TMEM184A: variants seen among roughly 807,000 people sequenced by gnomAD.
The protein encoded by TMEM184A is transmembrane protein 184A.
Under a neutral mutation model 39.5 loss-of-function variants are expected in TMEM184A, and 40 were observed. The observed-to-expected ratio is 1.01, with a 90% CI of 0.79 to 1.32. The LOEUF (loss-of-function observed/expected upper bound fraction) is 1.32. Ranked by LOEUF, TMEM184A falls within the 40% of genes most tolerant of loss-of-function variation. The pLI is 0.00. For missense variants in TMEM184A, 603 were observed against 568.8 expected, an observed-to-expected ratio of 1.06 and a Z score of -0.61; for synonymous variants, 280 against 252.3, an observed-to-expected ratio of 1.11 and a Z score of -1.04.
chr7:1,544,809 C>T lies in TMEM184A; in HGVS notation c.*2143G>A, dbSNP rs1302717653. The T allele has an allele frequency of 6.6e-6, 1 of 152,286 alleles. No individual in the cohort carries two copies. The highest frequency in any genetic ancestry group is 1.5e-5 in the Non-Finnish European group (1 of 68,080). The allele number at this position is 152,286 out of a possible 1,614,324, so 9.4% of individuals were successfully genotyped here. On this transcript the variant is annotated 3_prime_UTR_variant, in exon 9 of 9. Transcript: ENST00000297477. ...TGACCTCAGGCAACTTGCTCCGTCT[C>T]TCTGGGCTCGGTCGCTGTCCCAGCT... is the stretch of plus-strand genomic sequence containing the variant.
rs557099509 is a variant in TMEM184A, at chr7:1,544,964, C to A, written c.*1988G>T. The A allele has an allele frequency of 3.9e-5, 6 of 152,378 alleles. No homozygotes were observed. The highest frequency in any genetic ancestry group is 1.4e-4 in the African/African-American group (6 of 41,580). 9.4% of individuals were successfully genotyped at this position (152,378 alleles called of 1,614,324 possible). A position where few individuals can be genotyped will look rare whatever the true frequency, so the allele number is the denominator to read the frequency against. ...GGTGTTGCTGACATAGGGGCTCAGC[C>A]CCTGACACCTCAGCCTCTGCCGCCC... On this transcript the variant is annotated 3_prime_UTR_variant, in exon 9 of 9. Transcript: ENST00000297477.
intron 2 of TMEM184A, among the ~76,000 whole-genome samples, chr7:1,554,888 C>T (rs1202565934): frequency 1.3e-5 from 2 of 152,212 alleles, no homozygotes; most frequent in African/African-American, 2.4e-5. Flanking sequence ...CAGGGTGTCA[C>T]GCCTCTGGAA....
chr7:1,551,852 G>T (rs950218704), intron 2 of TMEM184A, among the ~76,000 whole-genome samples: 26 of 152,144 alleles, frequency 1.7e-4, no homozygotes, highest in African/African-American at 5.8e-4. Context: ...CAGGAGAATC[G>T]CTTGAGCCTG....
rs779838544 is a variant in TMEM184A, at chr7:1,555,386, C to T, written c.99G>A (p.Pro33=). Reference sequence around the variant, plus strand: ...AGCTGTTCCCCATGTGGTCCATCTGCGGCCCAGCTGGCACAGCCGGTGGGG... The same window carrying T: ...AGCTGTTCCCCATGTGGTCCATCTGTGGCCCAGCTGGCACAGCCGGTGGGG... The part of the protein sequence containing the change: ...PSPPPAVPAG[P]QMDHMGNSSQ... Residue 33 remains proline, a synonymous_variant, in exon 2 of 9, where the codon CCG becomes CCA. Transcript: ENST00000297477. The surrounding 1 kb of genome is among the most constrained non-coding windows in gnomAD (Gnocchi z 5.2). 4.6e-5 allele frequency: 74 copies of T among 1,611,826 alleles called. No homozygotes were observed. The East Asian group carries it at 7.4e-4, about 16-fold the overall frequency.
At position 1,543,243 on chromosome 7, in the gene TMEM184A, C is replaced by A. The variant is rs62436860; in HGVS notation, c.*3709G>T. The A allele has an allele frequency of 0.042, 6,456 of 152,462 alleles. 204 individuals are homozygous for A. The highest frequency in any genetic ancestry group is 0.067 in the Non-Finnish European group (4,592 of 68,060). The allele number at this position is 152,462 out of a possible 1,614,324, so 9.4% of individuals were successfully genotyped here. A position where few individuals can be genotyped will look rare whatever the true frequency, so the allele number is the denominator to read the frequency against. Reference sequence around the variant, plus strand: ...GGGGGAGGTGCTGGTCAGGTGACCACGTCCTGGGCTCAGTCTCTGAGGGTC... The same window carrying A: ...GGGGGAGGTGCTGGTCAGGTGACCAAGTCCTGGGCTCAGTCTCTGAGGGTC... On this transcript the variant is annotated 3_prime_UTR_variant, in exon 9 of 9. Coordinates refer to ENST00000297477, the MANE Select transcript of TMEM184A (RefSeq NM_001097620.2).
Position 1,555,891 on chromosome 7 carries a change from AG to A in TMEM184A, c.-1+222del. The A allele has an allele frequency of 2.2e-5, 6 of 270,132 alleles. No individual in the cohort carries two copies. Among genetic ancestry groups the A allele is most frequent in the Non-Finnish European group, 4.3e-5 (6 of 140,446 alleles). The allele number at this position is 270,132 out of a possible 1,614,324, so 16.7% of individuals were successfully genotyped here. A position where few individuals can be genotyped will look rare whatever the true frequency, so the allele number is the denominator to read the frequency against. On this transcript the variant is annotated intron_variant, in intron 1 of 8. Coordinates refer to ENST00000297477, the MANE Select transcript of TMEM184A (RefSeq NM_001097620.2). This position sits in a 1 kb window ranked among gnomAD's most constrained non-coding sequence, Gnocchi z 5.2. ...GACCAGCACTGCCTGCCCCGGCAGGAGGGGGTGTGCAGCCACCCTCATGGGA... is the reference window on the plus strand; with the variant it reads ...GACCAGCACTGCCTGCCCCGGCAGGAGGGGTGTGCAGCCACCCTCATGGGA...
At chr7:1,552,782 C>A (rs776615389) in intron 2 of TMEM184A, among the ~76,000 whole-genome samples, 1 of 152,144 alleles carries the variant, frequency 6.6e-6, no homozygotes, top group Non-Finnish European at 1.5e-5. Context: ...GGGCCAGGCA[C>A]GGTGGCCCAC....
intron 7 of TMEM184A, among the ~76,000 whole-genome samples, 188 bp from the exon 8 acceptor site, chr7:1,548,127 T>C (rs1583214369): frequency 1.3e-5 from 2 of 152,076 alleles, no homozygotes; most frequent in Non-Finnish European, 2.9e-5. Context: ...GCACAGCAGG[T>C]GCTCAGGAGC....
Position 1,555,350 on chromosome 7 carries a change from G to C in TMEM184A, c.135C>G (p.Ala45=). The part of the protein sequence containing the change: ...MDHMGNSSQG[A]PWLFLTSALA... ...GTGCGGAGGTGAGGAAGAGCCAGGG[G>C]GCCCCCTGGGAGCTGTTCCCCATGT... Residue 45 remains alanine, a synonymous_variant, in exon 2 of 9, where the codon GCC becomes GCG. Coordinates refer to ENST00000297477, the MANE Select transcript of TMEM184A (RefSeq NM_001097620.2). The surrounding 1 kb of genome is among the most constrained non-coding windows in gnomAD (Gnocchi z 5.2). The C allele has an allele frequency of 6.2e-7, 1 of 1,610,584 alleles. No homozygotes were observed. The highest frequency in any genetic ancestry group is 1.1e-5 in the South Asian group (1 of 90,974).
At chr7:1,547,212 TC>T (rs781426594) in intron 8 of TMEM184A, 31 bp from the exon 9 acceptor site, 9 of 1,305,084 alleles carry the variant, frequency 6.9e-6, no homozygotes, top group Admixed American at 1.8e-5. Flanking sequence ...AGCCCCACCA[TC>T]CCCCCTGCAC....
At position 1,545,774 on chromosome 7, in the gene TMEM184A, G is replaced by A. The variant is rs1266482315; in HGVS notation, c.*1178C>T. 2.0e-5 allele frequency: 3 copies of A among 152,504 alleles called. No individual in the cohort carries two copies. Among genetic ancestry groups the A allele is most frequent in the African/African-American group, 4.8e-5 (2 of 41,462 alleles). The allele number at this position is 152,504 out of a possible 1,614,324, so 9.4% of individuals were successfully genotyped here. A position where few individuals can be genotyped will look rare whatever the true frequency, so the allele number is the denominator to read the frequency against. The stretch of plus-strand genomic sequence containing the variant: ...GTCCCTGGGCGGCTACTGTTCTTGC[G>A]GCCGCGATTTCCGAGGCCACTTGCA... On this transcript the variant is annotated 3_prime_UTR_variant, in exon 9 of 9. Transcript: ENST00000297477.
Position 1,547,843 on chromosome 7 carries a change from T to C in TMEM184A, c.911A>G (p.Tyr304Cys). ...KLGAGTLAAG[Y>C]QNFIICVEML... is the part of the protein sequence containing the mutation. ...CTCCACGCAGATGATGAAGTTCTGG[T>C]AGCCGGCGGCCAGCGTGCCAGCCCC... The change falls in exon 8 of 9, where the codon TAC becomes TGC. Residue 304 changes from tyrosine (Y) to cysteine (C), a missense_variant. Physicochemically the swap from Tyr to Cys is radical, Grantham distance 194. Coordinates refer to ENST00000297477, the MANE Select transcript of TMEM184A (RefSeq NM_001097620.2). 1 of 1,610,340 alleles carries C rather than the reference T, an allele frequency of 6.2e-7. No individual in the cohort carries two copies. Among genetic ancestry groups the C allele is most frequent in the African/African-American group, 1.3e-5 (1 of 74,994 alleles).
At position 1,547,198 on chromosome 7, in the gene TMEM184A, T is replaced by A. The variant is rs200170035; in HGVS notation, c.1013-17A>T. ...CCGGGGGGGCTGGGGGAGGGCAGTG[T>A]ATGAGCCCCACCATCCCCCCTGCAC... On this transcript the variant is annotated splice_polypyrimidine_tract_variant and intron_variant, in intron 8 of 8. Coordinates refer to ENST00000297477, the MANE Select transcript of TMEM184A (RefSeq NM_001097620.2). 4.8e-6 allele frequency: 7 copies of A among 1,456,594 alleles called. No individual in the cohort carries two copies. The East Asian group carries it at 1.1e-4, about 24-fold the overall frequency. The allele number at this position is 1,456,594 out of a possible 1,614,324, so 90.2% of individuals were successfully genotyped here.
intron 2 of TMEM184A, among the ~76,000 whole-genome samples, chr7:1,551,520 T>C (rs1784596887): frequency 6.6e-6 from 1 of 152,254 alleles, no homozygotes. Flanking sequence ...AAATAAATTG[T>C]TTGCCTATTG....
chr7:1,554,269 C>T (rs145581591), intron 2 of TMEM184A, among the ~76,000 whole-genome samples: 245 of 152,280 alleles, frequency 1.6e-3, no homozygotes, highest in African/African-American at 5.6e-3. Flanking sequence ...GATGCTCCCT[C>T]GGAGACTTGT....
Position 1,542,704 on chromosome 7 carries a change from T to C in TMEM184A, c.*4248A>G, listed in dbSNP as rs1485088756. On this transcript the variant is annotated 3_prime_UTR_variant, in exon 9 of 9. Coordinates refer to ENST00000297477, the MANE Select transcript of TMEM184A (RefSeq NM_001097620.2). The stretch of plus-strand genomic sequence containing the variant: ...TATTTAAGAAAAAGACGAGGGACTC[T>C]TTGTCACGTGGGTTTGTTTTCTGTC... 1 of 152,554 alleles carries C rather than the reference T, an allele frequency of 6.6e-6. No homozygotes were observed. The highest frequency in any genetic ancestry group is 1.5e-5 in the Non-Finnish European group (1 of 68,044). 9.5% of individuals were successfully genotyped at this position (152,554 alleles called of 1,614,324 possible).
Position 1,555,431 on chromosome 7 carries a change from C to G in TMEM184A, c.54G>C (p.Ala18=), listed in dbSNP as rs889190067. Residue 18 remains alanine (A), a synonymous_variant, in exon 2 of 9, where the codon GCG becomes GCC. Coordinates refer to ENST00000297477, the MANE Select transcript of TMEM184A (RefSeq NM_001097620.2). The surrounding 1 kb of genome is among the most constrained non-coding windows in gnomAD (Gnocchi z 5.2). ...GTGGGGGGCTGGGCTGCGGCCAGTT[C>G]GCTGACACCAGGGGGACGCCGGCTG... is the stretch of plus-strand genomic sequence containing the variant. ...LETAGVPLVS[A]NWPQPSPPPA... is the part of the protein sequence containing the mutation. 4.3e-6 allele frequency: 7 copies of G among 1,610,976 alleles called. No individual in the cohort carries two copies. The Admixed American group carries it at 1.2e-4, about 27-fold the overall frequency.
chr7:1,546,195 C>T lies in TMEM184A; in HGVS notation c.*757G>A, dbSNP rs569530488. 3 of 152,940 alleles carry T rather than the reference C, an allele frequency of 2.0e-5. No individual in the cohort carries two copies. Among genetic ancestry groups the T allele is most frequent in the South Asian group, 4.1e-4 (2 of 4,830 alleles). 9.5% of individuals were successfully genotyped at this position (152,940 alleles called of 1,614,324 possible). A position where few individuals can be genotyped will look rare whatever the true frequency, so the allele number is the denominator to read the frequency against. ...CCCACCGCGTCCTGCTCCTCAGGCT[C>T]ATGCCCTGCGGGAACAGAAGCCAAG... On this transcript the variant is annotated 3_prime_UTR_variant, in exon 9 of 9. Coordinates refer to ENST00000297477, the MANE Select transcript of TMEM184A (RefSeq NM_001097620.2).
At chr7:1,551,973 C>T (rs537360108) in intron 2 of TMEM184A, among the ~76,000 whole-genome samples, 7 of 151,396 alleles carry the variant, frequency 4.6e-5, no homozygotes, top group East Asian at 2.0e-4. Flanking sequence ...AACATGGTCT[C>T]GCTCTCTTGC....
Sources: gnomAD v4.1 joint callset for allele counts (sites outside exome capture counted in the v4.1 genomes callset) on GRCh38, gnomAD v4.1.1 for gene constraint, Gnocchi (gnomAD v3.1) non-coding constraint, MANE v1.5 for transcripts, NCBI Gene and HGNC (gene_info 2026-07-23, HGNC 2026-07-21) for gene names.